FANCC: variants seen among roughly 807,000 people sequenced by gnomAD.
FANCC encodes the protein FA complementation group C.
Under a neutral mutation model 71.3 loss-of-function variants are expected in FANCC, and 55 were observed. The observed-to-expected ratio is 0.77, with a 90% CI of 0.62 to 0.97. FANCC has a LOEUF of 0.97. FANCC is among the 50% of genes least tolerant of loss of function. The pLI is 0.00. For synonymous variants in FANCC, 275 were observed against 244.9 expected, an observed-to-expected ratio of 1.12 and a Z score of -1.15; for missense variants, 678 against 670.9, an observed-to-expected ratio of 1.01 and a Z score of -0.12.
At chr9:95,159,228 T>G (rs1372616194) in intron 6 of FANCC, among the ~76,000 whole-genome samples, 1 of 152,186 alleles carries the variant, frequency 6.6e-6, no homozygotes, top group Non-Finnish European at 1.5e-5. Flanking sequence ...TTCCCCACCC[T>G]GTGTCCAAGT....
At chr9:95,106,700 G>A (rs908664279) in intron 14 of FANCC, among the ~76,000 whole-genome samples, 3 of 152,132 alleles carry the variant, frequency 2.0e-5, no homozygotes, top group African/African-American at 7.2e-5. Flanking sequence ...GTTGCTTTGC[G>A]AGCCCATTCT....
chr9:95,158,315 T>C (rs753602385), intron 6 of FANCC, among the ~76,000 whole-genome samples: 4 of 152,192 alleles, frequency 2.6e-5, no homozygotes, highest in South Asian at 2.1e-4. Flanking sequence ...ACTTAGATGA[T>C]AGACTCAAAA....
intron 8 of FANCC, chr9:95,126,971 G>A (rs1826081324): frequency 3.8e-6 from 1 of 261,546 alleles, no homozygotes; most frequent in African/African-American, 2.2e-5. Flanking sequence ...ATGGCTAGAT[G>A]TGCCTCGAGG....
chr9:95,211,741 A>G (rs1379550501), intron 4 of FANCC, among the ~76,000 whole-genome samples: 2 of 152,192 alleles, frequency 1.3e-5, no homozygotes, highest in South Asian at 2.1e-4. Flanking sequence ...CAAAAAGAAA[A>G]GCAGCTTAAG....
At chr9:95,292,853 G>A (rs1408943201) in intron 1 of FANCC, 4 of 1,584,916 alleles carry the variant, frequency 2.5e-6, no homozygotes, top group East Asian at 2.2e-5. Context: ...GCAGCAATTC[G>A]TACGGTACAG....
chr9:95,227,173 G>T (rs1217460048), intron 4 of FANCC, among the ~76,000 whole-genome samples: 10 of 152,146 alleles, frequency 6.6e-5, no homozygotes, highest in African/African-American at 1.9e-4. Context: ...TAAGAGAAAT[G>T]ATCTACTTGG....
chr9:95,206,070 C>T (rs184990730), intron 4 of FANCC, among the ~76,000 whole-genome samples: 121 of 152,054 alleles, frequency 8.0e-4, no homozygotes, highest in Non-Finnish European at 1.3e-3. Context: ...TATTTTGTTG[C>T]CCCAAATAAA....
intron 1 of FANCC, among the ~76,000 whole-genome samples, chr9:95,283,163 G>C (rs1833470155): frequency 6.6e-6 from 1 of 152,196 alleles, no homozygotes; most frequent in Admixed American, 6.5e-5. Flanking sequence ...GCTCACTACA[G>C]CCTCAAACTC....
intron 1 of FANCC, among the ~76,000 whole-genome samples, chr9:95,257,070 C>T (rs776913638): frequency 4.6e-5 from 7 of 152,184 alleles, no homozygotes; most frequent in Non-Finnish European, 8.8e-5. Context: ...GACTCAGACT[C>T]CCGCACAATA....
chr9:95,199,125 T>A (rs1040461221), intron 4 of FANCC, among the ~76,000 whole-genome samples: 1 of 152,160 alleles, frequency 6.6e-6, no homozygotes, highest in Non-Finnish European at 1.5e-5. Flanking sequence ...TTATAAAACA[T>A]CTGTTATTAA....
rs1835637503 is a variant in FANCC at position 95,314,710 on chromosome 9, T to G, written c.-79+2816A>C. ...TCGATAAAAAAAATTTTAATGAAAT[T>G]TTAAAAATAATTCAATTCACAATAC... On this transcript the variant is annotated intron_variant, in intron 1 of 14. Transcript: ENST00000289081. 2.0e-5 allele frequency among the ~76,000 whole-genome samples: 3 copies of G among 151,888 alleles called. No homozygotes were observed. In the South Asian group the frequency reaches 6.2e-4, roughly 32 times the overall value.
intron 4 of FANCC, among the ~76,000 whole-genome samples, chr9:95,195,997 T>C (rs1461346934): frequency 6.6e-6 from 1 of 152,210 alleles, no homozygotes; most frequent in South Asian, 2.1e-4. Context: ...ATTCTAACAA[T>C]TGATTTATTT....
intron 7 of FANCC, among the ~76,000 whole-genome samples, chr9:95,148,882 T>C (rs1177575864): frequency 2.0e-5 from 3 of 152,208 alleles, no homozygotes; most frequent in Non-Finnish European, 2.9e-5. Context: ...AGCAGAATTA[T>C]CCACAATGAT....
At chr9:95,303,098 A>G (rs965840280) in intron 1 of FANCC, among the ~76,000 whole-genome samples, 9 of 152,250 alleles carry the variant, frequency 5.9e-5, no homozygotes, top group African/African-American at 2.2e-4. Flanking sequence ...ACTTTCTGCA[A>G]GGATGGAAAG....
chr9:95,123,804 G>C (rs1166284273), intron 10 of FANCC: 1 of 693,806 alleles, frequency 1.4e-6, no homozygotes. Flanking sequence ...CACAAGGACT[G>C]AACACCCCTA....
At chr9:95,314,315 C>T (rs1266995798) in intron 1 of FANCC, among the ~76,000 whole-genome samples, 1 of 152,224 alleles carries the variant, frequency 6.6e-6, no homozygotes, top group African/African-American at 2.4e-5. Context: ...AATTCGGCTG[C>T]TCTACCTGTG....
At chr9:95,166,789 G>C (rs938729319) in intron 6 of FANCC, among the ~76,000 whole-genome samples, 11 of 152,138 alleles carry the variant, frequency 7.2e-5, no homozygotes, top group African/African-American at 2.7e-4. Flanking sequence ...ATTTTGGTAT[G>C]TGTGGGAAGT....
At chr9:95,236,175 T>G (rs1052088756) in intron 4 of FANCC, among the ~76,000 whole-genome samples, 2 of 152,098 alleles carry the variant, frequency 1.3e-5, no homozygotes, top group Non-Finnish European at 2.9e-5. Flanking sequence ...TTTCTTTCTA[T>G]CAGAATCAAA....
chr9:95,186,500 C>T (rs1232361182), intron 4 of FANCC: 3 of 152,144 alleles, frequency 2.0e-5, no homozygotes, highest in African/African-American at 7.2e-5. Context: ...GTTTGGATTA[C>T]CGTTTTTGAA....
Sources: gnomAD v4.1 joint callset for allele counts (sites outside exome capture counted in the v4.1 genomes callset) on GRCh38, gnomAD v4.1.1 for gene constraint, MANE v1.5 for transcripts, NCBI Gene and HGNC (gene_info 2026-07-23, HGNC 2026-07-21) for gene names.